TPD52L1: variants seen among roughly 807,000 people sequenced by gnomAD.
TPD52L1 encodes the protein tumor protein D53.
In TPD52L1, 18 loss-of-function variants were observed where a neutral mutation model predicts 28.7. That is an observed-to-expected ratio of 0.63 (90% CI 0.43 to 0.93). The LOEUF is 0.93. TPD52L1 is among the 40% of genes least tolerant of loss of function. TPD52L1 has a pLI of 0.00. For missense variants in TPD52L1, 203 were observed against 254.8 expected (o/e 0.80, Z 1.39); for synonymous variants, 75 against 88.8 (o/e 0.84, Z 0.88).
At position 125,172,099 on chromosome 6, in the gene TPD52L1, CCTTTCTTTCTTTCTTTCTTTCTTTCTTT is replaced by C. The variant is rs549747240; in HGVS notation, c.19+18162_19+18189del. On this transcript the variant is annotated intron_variant, in intron 1 of 6. Transcript: ENST00000534000. ...TTCTTTCTCTTTCTTTCTTTCTTTC[CCTTTCTTTCTTTCTTTCTTTCTTTCTTT>C]CTTTCTTTCTTTCTTTCTTTCTTTC... 1.7e-3 allele frequency among the ~76,000 whole-genome samples: 130 copies of C among 76,156 alleles called. 1 individual carries two copies. The highest frequency in any genetic ancestry group is 6.1e-3 in the African/African-American group (121 of 19,680). 50.0% of individuals were successfully genotyped at this position (76,156 alleles called of 152,430 possible). A position where few individuals can be genotyped will look rare whatever the true frequency, so the allele number is the denominator to read the frequency against.
chr6:125,248,000 A>T (rs1797021794), intron 3 of TPD52L1, among the ~76,000 whole-genome samples: 1 of 152,212 alleles, frequency 6.6e-6, no homozygotes, highest in Non-Finnish European at 1.5e-5. Flanking sequence ...CTGCTCACTG[A>T]GCAGTTCCAT....
chr6:125,226,904 C>T (rs1455361034), intron 2 of TPD52L1, among the ~76,000 whole-genome samples: 1 of 152,052 alleles, frequency 6.6e-6, no homozygotes, highest in Non-Finnish European at 1.5e-5. Flanking sequence ...AATAGAAGGG[C>T]TTAATTTTAA....
intron 1 of TPD52L1, among the ~76,000 whole-genome samples, chr6:125,184,821 C>T (rs1363339344): frequency 6.6e-6 from 1 of 150,986 alleles, no homozygotes; most frequent in African/African-American, 2.4e-5. Flanking sequence ...ACAAAGTAAA[C>T]TAAATTGTAA....
intron 1 of TPD52L1, among the ~76,000 whole-genome samples, chr6:125,165,446 T>G (rs1790834863): frequency 6.6e-6 from 1 of 152,202 alleles, no homozygotes; most frequent in African/African-American, 2.4e-5. Flanking sequence ...TGCATTTTGA[T>G]GCAGAGGAAG....
chr6:125,254,517 C>T (rs1460368518), intron 5 of TPD52L1, among the ~76,000 whole-genome samples: 1 of 151,962 alleles, frequency 6.6e-6, no homozygotes, highest in Non-Finnish European at 1.5e-5. Context: ...GTCAAAGATG[C>T]CCCTCCACCC....
intron 1 of TPD52L1, among the ~76,000 whole-genome samples, chr6:125,163,842 G>A (rs1407779617): frequency 1.3e-5 from 2 of 150,500 alleles, no homozygotes; most frequent in African/African-American, 2.5e-5. Flanking sequence ...ACTTGAACTT[G>A]GGAGGCAGAA....
At chr6:125,182,393 T>G (rs1792261269) in intron 1 of TPD52L1, among the ~76,000 whole-genome samples, 1 of 152,144 alleles carries the variant, frequency 6.6e-6, no homozygotes, top group Non-Finnish European at 1.5e-5. Context: ...AGCAAAGTGT[T>G]GCAGGAGTAG....
chr6:125,253,001 C>G (rs1387350358), intron 4 of TPD52L1: 1 of 152,186 alleles, frequency 6.6e-6, no homozygotes, highest in East Asian at 1.9e-4. Context: ...CTCCCCATGC[C>G]CAGCCTGATT....
At chr6:125,162,024 G>A (rs1040527702) in intron 1 of TPD52L1, among the ~76,000 whole-genome samples, 1 of 152,054 alleles carries the variant, frequency 6.6e-6, no homozygotes, top group Non-Finnish European at 1.5e-5. Context: ...TGCATTTTAT[G>A]TTTCATATTT....
At chr6:125,186,094 A>G (rs1431987607) in intron 1 of TPD52L1, among the ~76,000 whole-genome samples, 1 of 152,014 alleles carries the variant, frequency 6.6e-6, no homozygotes, top group Non-Finnish European at 1.5e-5. Flanking sequence ...GTGTTTCACC[A>G]TGTCGATCAG....
At chr6:125,219,842 T>G (rs1795112517) in intron 1 of TPD52L1, 1 of 503,768 alleles carries the variant, frequency 2.0e-6, no homozygotes, top group African/African-American at 2.0e-5. Flanking sequence ...GCTTGTCCTG[T>G]TTACATCTCT....
At chr6:125,192,470 C>A (rs192181259) in intron 1 of TPD52L1, among the ~76,000 whole-genome samples, 265 of 152,104 alleles carry the variant, frequency 1.7e-3, no homozygotes, top group African/African-American at 6.3e-3. Flanking sequence ...GGAGAAAAAC[C>A]TGCAGTGACA....
intron 1 of TPD52L1, among the ~76,000 whole-genome samples, chr6:125,206,942 T>G (rs513748): frequency 0.53 from 81,300 of 151,988 alleles, 22,339 homozygotes; most frequent in East Asian, 0.65. Flanking sequence ...TGCAGTCTGG[T>G]AGTTTGCTCA....
intron 1 of TPD52L1, among the ~76,000 whole-genome samples, chr6:125,181,422 G>A (rs1792190932): frequency 1.3e-5 from 2 of 152,232 alleles, no homozygotes; most frequent in Non-Finnish European, 1.5e-5. Context: ...AGAGGTGCTC[G>A]CTGTTTTACA....
intron 1 of TPD52L1, among the ~76,000 whole-genome samples, chr6:125,196,826 G>C (rs1793474321): frequency 6.6e-6 from 1 of 152,110 alleles, no homozygotes; most frequent in African/African-American, 2.4e-5. Context: ...AGGTGAGCGT[G>C]AATAAGAATC....
chr6:125,200,307 A>G (rs766528431), intron 1 of TPD52L1, among the ~76,000 whole-genome samples: 1 of 152,216 alleles, frequency 6.6e-6, no homozygotes, highest in Non-Finnish European at 1.5e-5. Flanking sequence ...ACTAGCCACA[A>G]ACAGATTTTC....
chr6:125,173,163 G>T (rs1791607155), intron 1 of TPD52L1, among the ~76,000 whole-genome samples: 1 of 152,132 alleles, frequency 6.6e-6, no homozygotes, highest in African/African-American at 2.4e-5. Context: ...GTGTGTGTGT[G>T]AGCACATGTT....
At chr6:125,239,870 T>A (rs1288659946) in intron 3 of TPD52L1, among the ~76,000 whole-genome samples, 1 of 152,208 alleles carries the variant, frequency 6.6e-6, no homozygotes. Context: ...TTGCATTTGC[T>A]TTTGTGTTCT....
At chr6:125,250,479 C>T (rs1018351655) in intron 4 of TPD52L1, among the ~76,000 whole-genome samples, 22 of 152,256 alleles carry the variant, frequency 1.4e-4, no homozygotes, top group African/African-American at 5.3e-4. Flanking sequence ...ATAAAAGTAG[C>T]AGAAGAAAGT....
Sources: allele counts gnomAD v4.1 joint callset (sites outside exome capture counted in the v4.1 genomes callset), GRCh38; gene constraint gnomAD v4.1.1; transcripts MANE v1.5; gene names NCBI Gene and HGNC (gene_info 2026-07-23, HGNC 2026-07-21).